Variants in IFT88 observed in about 807,000 individuals in gnomAD.
The protein encoded by IFT88 is intraflagellar transport 88, also known as intraflagellar transport protein 88 homolog.
IFT88 carries 74 observed loss-of-function variants against 119.5 expected under a neutral mutation model. The ratio of observed to expected loss-of-function variants is 0.62; its 90% confidence interval spans 0.51 to 0.75. The LOEUF (loss-of-function observed/expected upper bound fraction) is 0.75. Ranked by LOEUF, IFT88 falls within the 30% of genes least tolerant of loss-of-function variation. The probability of loss-of-function intolerance (pLI) is 0.00; values close to 1 mark genes in which losing one functional copy is unlikely to be tolerated. For synonymous variants in IFT88, 279 were observed against 316.7 expected, an observed-to-expected ratio of 0.88 and a Z score of 1.26; for missense variants, 961 against 977.7, an observed-to-expected ratio of 0.98 and a Z score of 0.23.
chr13:20,649,412 A>G (rs1239388053), intron 20 of IFT88, among the ~76,000 whole-genome samples: 1 of 152,226 alleles, frequency 6.6e-6, no homozygotes, highest in Non-Finnish European at 1.5e-5. Context: ...AGTGGATCAA[A>G]TATGAAATCA....
At chr13:20,681,402 G>A (rs1022233698) in intron 24 of IFT88, among the ~76,000 whole-genome samples, 2 of 152,240 alleles carry the variant, frequency 1.3e-5, no homozygotes, top group Non-Finnish European at 2.9e-5. Flanking sequence ...GATCCTCGAG[G>A]ATTAACTTCT....
At chr13:20,598,281 T>C (rs1473084566) in intron 9 of IFT88, among the ~76,000 whole-genome samples, 1 of 152,162 alleles carries the variant, frequency 6.6e-6, no homozygotes, top group Non-Finnish European at 1.5e-5. Flanking sequence ...CTGATAGACT[T>C]TAAGGTTTAA....
chr13:20,657,360 C>T (rs1285118888), intron 22 of IFT88, among the ~76,000 whole-genome samples: 1 of 152,088 alleles, frequency 6.6e-6, no homozygotes, highest in Non-Finnish European at 1.5e-5. Flanking sequence ...AGTCATATGC[C>T]ACATGTTCTC....
At chr13:20,589,762 A>G (rs1371101595) in intron 3 of IFT88, 49 bp from the exon 4 acceptor site, 1 of 1,177,522 alleles carries the variant, frequency 8.5e-7, no homozygotes, top group Non-Finnish European at 1.2e-6. Flanking sequence ...GTTTTCTATT[A>G]TATAGCTCAG....
intron 3 of IFT88, among the ~76,000 whole-genome samples, chr13:20,588,266 A>G (rs1302005364): frequency 6.6e-6 from 1 of 151,960 alleles, no homozygotes; most frequent in East Asian, 1.9e-4. Flanking sequence ...TTCCATGTAT[A>G]TTCCTTTTTT....
At chr13:20,596,479 G>A (rs1312840782) in intron 8 of IFT88, among the ~76,000 whole-genome samples, 2 of 152,162 alleles carry the variant, frequency 1.3e-5, no homozygotes, top group African/African-American at 4.8e-5. Context: ...AAATTCTAAT[G>A]TATTTGTATA....
At chr13:20,650,271 A>T (rs11619488) in intron 20 of IFT88, among the ~76,000 whole-genome samples, 19,658 of 152,158 alleles carry the variant, frequency 0.13, 1,382 homozygotes, top group Non-Finnish European at 0.15. Flanking sequence ...AAAGAAGTAC[A>T]TCATTCGCAA....
At chr13:20,672,542 G>A (rs2056068523) in intron 24 of IFT88, among the ~76,000 whole-genome samples, 2 of 152,152 alleles carry the variant, frequency 1.3e-5, no homozygotes, top group African/African-American at 2.4e-5. Context: ...GACTATCTGG[G>A]GTTGGATTTA....
intron 3 of IFT88, among the ~76,000 whole-genome samples, chr13:20,585,616 C>G (rs2039517812): frequency 1.3e-5 from 2 of 152,322 alleles, no homozygotes; most frequent in South Asian, 4.1e-4. Context: ...ACTCCAGAAG[C>G]TGATGTGTCC....
At chr13:20,656,493 A>G (rs1239758446) in intron 22 of IFT88, 63 bp downstream of exon 22, 3 of 712,228 alleles carry the variant, frequency 4.2e-6, no homozygotes, top group African/African-American at 3.7e-5. Flanking sequence ...GTTCTAATAT[A>G]TAATTACCTT....
At chr13:20,671,904 T>C (rs986548838) in intron 24 of IFT88, among the ~76,000 whole-genome samples, 21 of 152,170 alleles carry the variant, frequency 1.4e-4, no homozygotes, top group Admixed American at 5.9e-4. Context: ...CAAATGTAGC[T>C]CTTAGTTAGG....
intron 24 of IFT88, among the ~76,000 whole-genome samples, chr13:20,682,649 G>A (rs1381307123): frequency 2.6e-5 from 4 of 152,178 alleles, no homozygotes; most frequent in Non-Finnish European, 5.9e-5. Context: ...AAACCGGCTC[G>A]AGAAATCGAG....
At chr13:20,570,143 AG>A (rs562558896) in intron 1 of IFT88, among the ~76,000 whole-genome samples, 181 of 152,342 alleles carry the variant, frequency 1.2e-3, no homozygotes, top group Non-Finnish European at 2.1e-3. Context: ...ATTAGTCATC[AG>A]GGGAATGCAA....
At chr13:20,656,170 C>CAA (rs1159316154) in intron 21 of IFT88, among the ~76,000 whole-genome samples, 195 bp from the exon 22 acceptor site, 1 of 147,524 alleles carries the variant, frequency 6.8e-6, no homozygotes, top group Admixed American at 6.8e-5. Context: ...CACCCATTTA[C>CAA]TTCTGCTTTC....
At chr13:20,601,620 A>T (rs547851505) in intron 11 of IFT88, 85 bp from the exon 12 acceptor site, 18 of 873,312 alleles carry the variant, frequency 2.1e-5, no homozygotes, top group Non-Finnish European at 3.1e-5. Context: ...GTGGGAGACG[A>T]AAAAAGAAAA....
At chr13:20,574,324 AT>A in intron 1 of IFT88, 55 bp from the exon 2 acceptor site, 1 of 782,520 alleles carries the variant, frequency 1.3e-6, no homozygotes, top group Admixed American at 2.9e-5. Context: ...ATCTCAAAAA[AT>A]ATATATATAT....
chr13:20,655,216 G>A (rs968330196), intron 21 of IFT88, among the ~76,000 whole-genome samples: 3 of 152,004 alleles, frequency 2.0e-5, no homozygotes, highest in African/African-American at 7.2e-5. Context: ...GGCAGATCAC[G>A]AGGTCAAGAG....
intron 13 of IFT88, among the ~76,000 whole-genome samples, chr13:20,608,585 C>G (rs2043923732): frequency 6.6e-6 from 1 of 152,116 alleles, no homozygotes; most frequent in African/African-American, 2.4e-5. Flanking sequence ...GTGGGGGTGT[C>G]CAGGGCGGTG....
chr13:20,597,070 GAGA>G lies in IFT88; in HGVS notation c.547_549del (p.Glu183del), dbSNP rs1408488318. 1 of 1,608,238 alleles carries G rather than the reference GAGA, an allele frequency of 6.2e-7. No homozygotes were observed. Among genetic ancestry groups the G allele is most frequent in the Non-Finnish European group, 8.5e-7 (1 of 1,177,132 alleles). On this transcript the variant is annotated inframe_deletion, in exon 9 of 26. Coordinates refer to ENST00000351808, the MANE Select transcript of IFT88 (RefSeq NM_006531.5). The stretch of plus-strand genomic sequence containing the variant: ...AAAGAGAGAGTCCTGGTGAGACAGC[GAGA>G]ACAAGTTACAACTCCAGAAAATATC...
Sources: gnomAD v4.1 joint callset for allele counts (sites outside exome capture counted in the v4.1 genomes callset) on GRCh38, gnomAD v4.1.1 for gene constraint, MANE v1.5 for transcripts, NCBI Gene and HGNC (gene_info 2026-07-23, HGNC 2026-07-21) for gene names.